The following E2F5 variants were observed in gnomAD, a reference collection of about 807,000 sequenced individuals.
E2F5 encodes the protein transcription factor E2F5.
In E2F5, 23 loss-of-function variants were observed where a neutral mutation model predicts 39.1. The ratio of observed to expected loss-of-function variants is 0.59; its 90% confidence interval spans 0.42 to 0.83. E2F5 has a LOEUF of 0.83. Among genes scored for constraint, E2F5 ranks in the 40% least tolerant of loss-of-function variants. E2F5 has a pLI of 0.00. For synonymous variants in E2F5, 145 were observed against 157.8 expected, an observed-to-expected ratio of 0.92 and a Z score of 0.61; for missense variants, 365 against 406.7, an observed-to-expected ratio of 0.90 and a Z score of 0.88.
At chr8:85,186,474 C>T (rs1191184575) in intron 1 of E2F5, among the ~76,000 whole-genome samples, 7 of 151,386 alleles carry the variant, frequency 4.6e-5, no homozygotes, top group African/African-American at 1.2e-4. Context: ...ACTGCACGTT[C>T]TGCACATGTA....
intron 7 of E2F5, chr8:85,213,542 TA>T (rs536955367): frequency 0.03 from 3,693 of 121,216 alleles, 10 homozygotes; most frequent in South Asian, 0.076. Context: ...GACTCCATCT[TA>T]AAAAAAAAAA....
chr8:85,211,386 G>A (rs1404182372), intron 6 of E2F5, among the ~76,000 whole-genome samples: 1 of 151,968 alleles, frequency 6.6e-6, no homozygotes, highest in Non-Finnish European at 1.5e-5. Flanking sequence ...CTGAGTGACA[G>A]AGCGAGATCC....
chr8:85,199,747 T>C (rs1648580712), intron 1 of E2F5, among the ~76,000 whole-genome samples: 1 of 152,368 alleles, frequency 6.6e-6, no homozygotes, highest in South Asian at 2.1e-4. Flanking sequence ...TGAGGCTGAC[T>C]AGCCAACATT....
chr8:85,207,753 A>T (rs1012034000), intron 5 of E2F5, among the ~76,000 whole-genome samples: 1 of 152,054 alleles, frequency 6.6e-6, no homozygotes, highest in Non-Finnish European at 1.5e-5. Flanking sequence ...GTCAATTTTT[A>T]AAAAGTAATC....
intron 1 of E2F5, among the ~76,000 whole-genome samples, chr8:85,199,838 C>A (rs1298402951): frequency 6.6e-6 from 1 of 152,192 alleles, no homozygotes; most frequent in Non-Finnish European, 1.5e-5. Flanking sequence ...ATATGTTATA[C>A]CATTTTATGA....
rs557662918 is a variant in E2F5, at chr8:85,195,180, C to T, written c.235-6967C>T. 7.2e-4 allele frequency among the ~76,000 whole-genome samples: 109 copies of T among 151,964 alleles called. 1 individual carries two copies. In the Middle Eastern group the frequency reaches 0.014, roughly 19 times the overall value. ...TGGGTGGATCATGAGGTCAGGAGTT[C>T]GAGACCAGCTTGCCCAACATAGTGA... On this transcript the variant is annotated intron_variant, in intron 1 of 7. Transcript: ENST00000416274.
chr8:85,206,168 T>C lies in E2F5; in HGVS notation c.507-9T>C. 6.2e-7 allele frequency: 1 copy of C among 1,612,916 alleles called. No individual in the cohort carries two copies. Among genetic ancestry groups the C allele is most frequent in the Non-Finnish European group, 8.5e-7 (1 of 1,179,358 alleles). On this transcript the variant is annotated splice_polypyrimidine_tract_variant and intron_variant, in intron 3 of 7. Transcript: ENST00000416274. Reference sequence around the variant, plus strand: ...TATAAATGTCGTTCCTTAACTCCTATGACAGTACATTTTCCTATGTAACTC... The same window carrying C: ...TATAAATGTCGTTCCTTAACTCCTACGACAGTACATTTTCCTATGTAACTC...
chr8:85,180,197 G>T (rs1224131153), intron 1 of E2F5, among the ~76,000 whole-genome samples: 3 of 150,998 alleles, frequency 2.0e-5, no homozygotes, highest in African/African-American at 7.3e-5. Flanking sequence ...ATTTTTGTAT[G>T]TTTAGTAGAG....
intron 1 of E2F5, chr8:85,177,883 G>C: frequency 1.5e-6 from 1 of 680,394 alleles, no homozygotes; most frequent in South Asian, 7.0e-5. Flanking sequence ...ATGGGGCCCG[G>C]CGCCACGCTG....
chr8:85,177,533 C>A lies in E2F5; in HGVS notation c.113C>A (p.Pro38Gln). 3 of 1,182,402 alleles carry A rather than the reference C, an allele frequency of 2.5e-6. No homozygotes were observed. The highest frequency in any genetic ancestry group is 4.1e-5 in the South Asian group (1 of 24,622). The allele number at this position is 1,182,402 out of a possible 1,614,324, so 73.2% of individuals were successfully genotyped here. A position where few individuals can be genotyped will look rare whatever the true frequency, so the allele number is the denominator to read the frequency against. ...PQAQAPQPPP[P>Q]PQLGGAGGGS... ...GCGCAAGCCCCGCAGCCGCCCCCGC[C>A]GCCGCAGCTCGGGGGCGCCGGGGGC... is the stretch of plus-strand genomic sequence containing the variant. The change falls in exon 1 of 8, where the codon CCG becomes CAG. Residue 38 changes from proline (P) to glutamine (Q), a missense_variant. Coordinates refer to ENST00000416274, the MANE Select transcript of E2F5 (RefSeq NM_001951.4).
intron 7 of E2F5, 179 bp downstream of exon 7, chr8:85,212,383 C>T (rs1031330084): frequency 1.8e-6 from 1 of 549,182 alleles, no homozygotes; most frequent in Non-Finnish European, 3.2e-6. Flanking sequence ...ATTTATTTTT[C>T]TTTGCTTGCA....
chr8:85,188,977 TATGTTATAGTATGG>T (rs1244774978), intron 1 of E2F5, among the ~76,000 whole-genome samples: 2 of 152,198 alleles, frequency 1.3e-5, no homozygotes, highest in East Asian at 1.9e-4. Context: ...CTTGTGAAGG[TATGTTATAGTATGG>T]ATGCTTGTTC....
At position 85,209,162 on chromosome 8, in the gene E2F5, A is replaced by G; in HGVS notation, c.636A>G (p.Lys212=). Residue 212 remains lysine, a synonymous_variant, in exon 6 of 8, where the codon AAA becomes AAG. Transcript: ENST00000416274. Reference sequence around the variant, plus strand: ...CAAAGGGTCAGAATGGACAAAAGAAATACCAGATCAATCTAAAGAGTCATT... The same window carrying G: ...CAAAGGGTCAGAATGGACAAAAGAAGTACCAGATCAATCTAAAGAGTCATT... ...IPEMGQNGQK[K]YQINLKSHSG... 6.2e-7 allele frequency: 1 copy of G among 1,614,006 alleles called. No individual in the cohort carries two copies. Among genetic ancestry groups the G allele is most frequent in the South Asian group, 1.1e-5 (1 of 91,082 alleles).
At chr8:85,181,595 T>TC (rs1436924757) in intron 1 of E2F5, among the ~76,000 whole-genome samples, 3 of 144,196 alleles carry the variant, frequency 2.1e-5, no homozygotes, top group African/African-American at 7.6e-5. Flanking sequence ...CACCTCGGCC[T>TC]CCCAAAGTGC....
intron 6 of E2F5, 66 bp downstream of exon 6, chr8:85,209,475 A>G: frequency 6.7e-7 from 1 of 1,495,726 alleles, no homozygotes; most frequent in Non-Finnish European, 8.9e-7. Context: ...TGGCTCTCTT[A>G]TCCAAAGTGC....
intron 5 of E2F5, among the ~76,000 whole-genome samples, chr8:85,208,603 A>G (rs1812847528): frequency 6.6e-6 from 1 of 152,214 alleles, no homozygotes; most frequent in South Asian, 2.1e-4. Context: ...CCACCCGCTT[A>G]TTAAAAAAGT....
intron 1 of E2F5, among the ~76,000 whole-genome samples, chr8:85,181,095 C>A (rs1280713026): frequency 1.3e-5 from 2 of 151,872 alleles, no homozygotes; most frequent in African/African-American, 4.8e-5. Flanking sequence ...CCAGGCTGGT[C>A]TCGAACTCCT....
At chr8:85,208,844 G>T (rs1343288091) in intron 5 of E2F5, among the ~76,000 whole-genome samples, 1 of 152,128 alleles carries the variant, frequency 6.6e-6, no homozygotes, top group Non-Finnish European at 1.5e-5. Flanking sequence ...GAGCATTGCT[G>T]GGCCCTGACC....
At chr8:85,204,860 G>T (rs538635609) in intron 3 of E2F5, among the ~76,000 whole-genome samples, 1 of 151,254 alleles carries the variant, frequency 6.6e-6, no homozygotes, top group African/African-American at 2.5e-5. Flanking sequence ...GACAACTGGG[G>T]GACTACCTGC....
Sources: gnomAD v4.1 joint callset for allele counts (sites outside exome capture counted in the v4.1 genomes callset) on GRCh38, gnomAD v4.1.1 for gene constraint, MANE v1.5 for transcripts, NCBI Gene and HGNC (gene_info 2026-07-23, HGNC 2026-07-21) for gene names.